CADM1: variants seen among roughly 807,000 people sequenced by gnomAD.
CADM1 encodes cell adhesion molecule 1.
In CADM1, 15 loss-of-function variants were observed where a neutral mutation model predicts 53.1. The observed-to-expected ratio is 0.28, with a 90% CI of 0.19 to 0.44. The LOEUF is 0.44. CADM1 is among the 20% of genes least tolerant of loss of function. CADM1 has a pLI of 1.00. For synonymous variants in CADM1, 281 were observed against 243.0 expected (o/e 1.16, Z -1.45); for missense variants, 434 against 611.3 (o/e 0.71, Z 3.06).
chr11:115,325,451 C>G (rs1377231593), intron 1 of CADM1, among the ~76,000 whole-genome samples: 2 of 152,170 alleles, frequency 1.3e-5, no homozygotes, highest in Admixed American at 1.3e-4. Flanking sequence ...AGGGCATACA[C>G]AAGCAACCAA....
chr11:115,225,592 G>T (rs751530450), intron 5 of CADM1, among the ~76,000 whole-genome samples: 1 of 152,056 alleles, frequency 6.6e-6, no homozygotes, highest in Non-Finnish European at 1.5e-5. Context: ...GCAAAATCCT[G>T]GTTCAATTAA....
chr11:115,386,634 A>G (rs1235270441), intron 1 of CADM1, among the ~76,000 whole-genome samples: 1 of 152,180 alleles, frequency 6.6e-6, no homozygotes, highest in Non-Finnish European at 1.5e-5. Context: ...CACCAGTTCT[A>G]CACTTCTATT....
chr11:115,234,825 G>A (rs887704042), intron 3 of CADM1, among the ~76,000 whole-genome samples: 4 of 149,998 alleles, frequency 2.7e-5, no homozygotes, highest in African/African-American at 9.8e-5. Context: ...CTCAGGAGGC[G>A]GAGGTTGAAG....
chr11:115,215,347 A>G (rs889324629), intron 6 of CADM1, among the ~76,000 whole-genome samples: 1 of 152,072 alleles, frequency 6.6e-6, no homozygotes, highest in Non-Finnish European at 1.5e-5. Flanking sequence ...TCTTCCCTTT[A>G]ACCCCTCCCC....
chr11:115,183,302 G>A (rs1243639048), intron 10 of CADM1, among the ~76,000 whole-genome samples: 1 of 152,198 alleles, frequency 6.6e-6, no homozygotes, highest in Admixed American at 6.5e-5. Context: ...ATTAAACAGG[G>A]CTCTGCAAGA....
intron 1 of CADM1, among the ~76,000 whole-genome samples, chr11:115,303,569 T>C (rs189836085): frequency 6.6e-6 from 1 of 152,192 alleles, no homozygotes; most frequent in Non-Finnish European, 1.5e-5. Context: ...ATGGGTCTCA[T>C]AGGTCATTAG....
At chr11:115,231,303 A>G (rs774683876) in intron 4 of CADM1, 50 bp downstream of exon 4, 2 of 1,602,070 alleles carry the variant, frequency 1.2e-6, no homozygotes, top group Non-Finnish European at 1.7e-6. Flanking sequence ...ACAAAGGCAT[A>G]TCTGCTAGAA....
chr11:115,294,880 A>G (rs1274286401), intron 1 of CADM1, among the ~76,000 whole-genome samples: 1 of 152,068 alleles, frequency 6.6e-6, no homozygotes, highest in Non-Finnish European at 1.5e-5. Context: ...ACTAAAAAAA[A>G]TACAAAAATT....
At chr11:115,253,292 G>A (rs1343196620) in intron 1 of CADM1, among the ~76,000 whole-genome samples, 1 of 152,150 alleles carries the variant, frequency 6.6e-6, no homozygotes, top group Non-Finnish European at 1.5e-5. Flanking sequence ...ACATCTCACA[G>A]ATAATTCCTG....
At chr11:115,387,066 C>T (rs1409240648) in intron 1 of CADM1, among the ~76,000 whole-genome samples, 1 of 152,196 alleles carries the variant, frequency 6.6e-6, no homozygotes, top group African/African-American at 2.4e-5. Flanking sequence ...CGTGAAGTGC[C>T]TGTCACTTGC....
intron 1 of CADM1, among the ~76,000 whole-genome samples, chr11:115,473,781 A>C (rs1949067443): frequency 6.6e-6 from 1 of 152,182 alleles, no homozygotes; most frequent in African/African-American, 2.4e-5. Context: ...TGGGTTAGAC[A>C]ATAAGTTCTT....
intron 1 of CADM1, among the ~76,000 whole-genome samples, chr11:115,304,946 C>A (rs1199571212): frequency 6.6e-6 from 1 of 151,982 alleles, no homozygotes; most frequent in Non-Finnish European, 1.5e-5. Context: ...AACCTATCAA[C>A]TGTCCATCTC....
chr11:115,359,597 A>T (rs898019979), intron 1 of CADM1, among the ~76,000 whole-genome samples: 2 of 152,186 alleles, frequency 1.3e-5, no homozygotes, highest in African/African-American at 4.8e-5. Flanking sequence ...AAAATTGAAT[A>T]TGTCTTATAT....
intron 1 of CADM1, among the ~76,000 whole-genome samples, chr11:115,298,416 A>C (rs1467929426): frequency 1.3e-5 from 2 of 152,166 alleles, no homozygotes; most frequent in East Asian, 3.9e-4. Flanking sequence ...AGACGATGAG[A>C]CCCAGTCACT....
intron 1 of CADM1, among the ~76,000 whole-genome samples, chr11:115,370,691 A>C (rs113672727): frequency 2.0e-5 from 3 of 152,112 alleles, no homozygotes; most frequent in African/African-American, 7.2e-5. Context: ...CACCCACACT[A>C]TGGTATCTTA....
intron 1 of CADM1, among the ~76,000 whole-genome samples, chr11:115,289,343 C>T (rs191407931): frequency 6.4e-4 from 96 of 151,162 alleles, no homozygotes; most frequent in Non-Finnish European, 1.0e-3. Flanking sequence ...CCAGCCTGGG[C>T]GACAGAGTGA....
chr11:115,227,508 T>C (rs1434191656), intron 5 of CADM1, among the ~76,000 whole-genome samples: 1 of 152,210 alleles, frequency 6.6e-6, no homozygotes, highest in Non-Finnish European at 1.5e-5. Context: ...TTAAAGCTAA[T>C]GGGCCCCTAC....
chr11:115,466,858 T>A (rs314496), intron 1 of CADM1, among the ~76,000 whole-genome samples: 131,861 of 152,176 alleles, frequency 0.87, 57,571 homozygotes, highest in East Asian at 0.99. Context: ...GAATCGTAGG[T>A]CTCAGATTTT....
intron 1 of CADM1, among the ~76,000 whole-genome samples, chr11:115,450,835 C>G (rs940603525): frequency 1.3e-5 from 2 of 152,202 alleles, no homozygotes; most frequent in African/African-American, 4.8e-5. Context: ...CGTTACCAAT[C>G]ACAACAGAAA....
Sources: allele counts gnomAD v4.1 joint callset (sites outside exome capture counted in the v4.1 genomes callset), GRCh38; gene constraint gnomAD v4.1.1; transcripts MANE v1.5; gene names NCBI Gene and HGNC (gene_info 2026-07-23, HGNC 2026-07-21).